The following CSNK1G3 variants were observed in gnomAD, a reference collection of about 807,000 sequenced individuals.
The protein encoded by CSNK1G3 is casein kinase 1 gamma 3.
Under a neutral mutation model 64.3 loss-of-function variants are expected in CSNK1G3, and 23 were observed. The ratio of observed to expected loss-of-function variants is 0.36; its 90% confidence interval spans 0.26 to 0.51. CSNK1G3 has a LOEUF of 0.51. CSNK1G3 is among the 20% of genes least tolerant of loss of function. CSNK1G3 has a pLI of 0.96. For synonymous variants in CSNK1G3, 158 were observed against 162.2 expected (o/e 0.97, Z 0.20); for missense variants, 357 against 510.5 (o/e 0.70, Z 2.90).
intron 3 of CSNK1G3, 71 bp downstream of exon 3, chr5:123,553,218 T>G: frequency 1.2e-6 from 1 of 806,316 alleles, no homozygotes; most frequent in Non-Finnish European, 1.8e-6. Flanking sequence ...ATATTTTAAT[T>G]ATTTTTTGTT....
chr5:123,577,432 C>T (rs1248784333), intron 6 of CSNK1G3, among the ~76,000 whole-genome samples: 1 of 151,930 alleles, frequency 6.6e-6, no homozygotes, highest in Non-Finnish European at 1.5e-5. Flanking sequence ...CAGAGACATA[C>T]GTTAATATCT....
intron 1 of CSNK1G3, among the ~76,000 whole-genome samples, chr5:123,528,831 T>G (rs1446068067): frequency 6.6e-6 from 1 of 152,218 alleles, no homozygotes; most frequent in African/African-American, 2.4e-5. Flanking sequence ...GTAAATTTAC[T>G]TGCTTGCTAA....
At chr5:123,516,981 C>G (rs1435708170) in intron 1 of CSNK1G3, among the ~76,000 whole-genome samples, 1 of 152,114 alleles carries the variant, frequency 6.6e-6, no homozygotes, top group Non-Finnish European at 1.5e-5. Flanking sequence ...CCATTATATT[C>G]TTCATCAAAA....
chr5:123,590,858 T>C (rs1231342556), intron 9 of CSNK1G3, among the ~76,000 whole-genome samples: 1 of 152,064 alleles, frequency 6.6e-6, no homozygotes, highest in Non-Finnish European at 1.5e-5. Context: ...AATTTAATAC[T>C]TCAATCCCTT....
At chr5:123,540,267 T>A (rs552633180) in intron 1 of CSNK1G3, among the ~76,000 whole-genome samples, 3 of 152,182 alleles carry the variant, frequency 2.0e-5, no homozygotes, top group Admixed American at 6.5e-5. Flanking sequence ...CTGTTTTATT[T>A]TTCCGTTTAT....
At chr5:123,581,299 T>C (rs1790199625) in intron 6 of CSNK1G3, among the ~76,000 whole-genome samples, 2 of 150,728 alleles carry the variant, frequency 1.3e-5, no homozygotes, top group Admixed American at 6.6e-5. Flanking sequence ...TTTATCTAAA[T>C]AAATTTGGAG....
In CSNK1G3 at chr5:123,588,655, C is replaced by G. The variant is rs148505643; in HGVS notation, c.844+144C>G. 9.6e-6 allele frequency: 6 copies of G among 625,564 alleles called. No homozygotes were observed. The African/African-American group carries it at 1.1e-4, about 12-fold the overall frequency. 38.8% of individuals were successfully genotyped at this position (625,564 alleles called of 1,614,324 possible). On this transcript the variant is annotated intron_variant, in intron 8 of 12. Transcript: ENST00000345990. ...TTTAAAGGTTGTCAGCATTTGATGC[C>G]GAACCCACAGGGACACTTTGTGTAT...
At chr5:123,560,047 T>G (rs1370300524) in intron 4 of CSNK1G3, among the ~76,000 whole-genome samples, 1 of 151,898 alleles carries the variant, frequency 6.6e-6, no homozygotes, top group Non-Finnish European at 1.5e-5. Context: ...GACAACCCAA[T>G]TGAAAAATGG....
At chr5:123,563,278 T>G (rs1408530293) in intron 4 of CSNK1G3, among the ~76,000 whole-genome samples, 1 of 152,024 alleles carries the variant, frequency 6.6e-6, no homozygotes, top group Non-Finnish European at 1.5e-5. Context: ...ATTTCTCGAG[T>G]GGCTTGACTT....
At chr5:123,598,706 C>G (rs1429344745) in intron 10 of CSNK1G3, among the ~76,000 whole-genome samples, 1 of 152,098 alleles carries the variant, frequency 6.6e-6, no homozygotes, top group Non-Finnish European at 1.5e-5. Flanking sequence ...CATGAAGGAT[C>G]TAACGGGTCT....
intron 11 of CSNK1G3, 32 bp from the exon 13 acceptor site, chr5:123,605,306 TC>T: frequency 3.2e-6 from 5 of 1,577,508 alleles, no homozygotes; most frequent in Non-Finnish European, 4.3e-6. Context: ...CTCTTTTTTT[TC>T]CTTGTATTTT....
intron 8 of CSNK1G3, among the ~76,000 whole-genome samples, chr5:123,589,928 A>T (rs1158699945): frequency 2.0e-5 from 3 of 152,092 alleles, no homozygotes; most frequent in Non-Finnish European, 4.4e-5. Flanking sequence ...CAAGGTTAGG[A>T]ATTTGAATTC....
Position 123,614,322 on chromosome 5 carries a change from AG to A in CSNK1G3, c.1218-19del. The A allele has an allele frequency of 6.2e-7, 1 of 1,605,344 alleles. No homozygotes were observed. Among genetic ancestry groups the A allele is most frequent in the Non-Finnish European group, 8.5e-7 (1 of 1,177,176 alleles). On this transcript the variant is annotated intron_variant, in intron 12 of 12. Transcript: ENST00000345990. ...ATTTTAGTGCTTTTAAAATAAAAAGAGTGTTTCCCTCATCTGCAGGTGCTGC... is the reference window on the plus strand; with the variant it reads ...ATTTTAGTGCTTTTAAAATAAAAAGATGTTTCCCTCATCTGCAGGTGCTGC...
chr5:123,558,085 A>C (rs1169484722), intron 4 of CSNK1G3, among the ~76,000 whole-genome samples: 1 of 152,158 alleles, frequency 6.6e-6, no homozygotes, highest in African/African-American at 2.4e-5. Context: ...AGTGGAGAGA[A>C]CCTGGAAGAG....
chr5:123,540,195 G>GT (rs1160880716), intron 1 of CSNK1G3, among the ~76,000 whole-genome samples: 1 of 151,762 alleles, frequency 6.6e-6, no homozygotes, highest in Non-Finnish European at 1.5e-5. Context: ...GCCACTGAGT[G>GT]TATCTAGTGA....
chr5:123,579,666 G>A (rs954684566), intron 6 of CSNK1G3, among the ~76,000 whole-genome samples: 7 of 152,022 alleles, frequency 4.6e-5, no homozygotes, highest in African/African-American at 1.7e-4. Context: ...TAGAAATGGC[G>A]AAGTGAGTGT....
chr5:123,575,947 C>A (rs753053197), exon 6 of CSNK1G3: 1 of 1,609,112 alleles, frequency 6.2e-7, no homozygotes, highest in African/African-American at 1.3e-5. Flanking sequence ...TGAGCATAAA[C>A]ACACATTTAG....
At chr5:123,518,433 C>T (rs908136150) in intron 1 of CSNK1G3, among the ~76,000 whole-genome samples, 1 of 152,104 alleles carries the variant, frequency 6.6e-6, no homozygotes, top group Non-Finnish European at 1.5e-5. Flanking sequence ...TCTGGTCTGC[C>T]CCTCTGTGAT....
intron 10 of CSNK1G3, among the ~76,000 whole-genome samples, chr5:123,592,068 AGAG>A (rs2150990998): frequency 6.6e-6 from 1 of 152,226 alleles, no homozygotes; most frequent in South Asian, 2.1e-4. Flanking sequence ...ATATTTAAAA[AGAG>A]AATAAGCTAT....
Sources: allele counts gnomAD v4.1 joint callset (sites outside exome capture counted in the v4.1 genomes callset), GRCh38; gene constraint gnomAD v4.1.1; transcripts MANE v1.5; gene names NCBI Gene and HGNC (gene_info 2026-07-23, HGNC 2026-07-21).